UNC13A: variants seen among roughly 807,000 people sequenced by gnomAD.
The protein encoded by UNC13A is unc-13 homolog A, also known as protein unc-13 homolog A.
Under a neutral mutation model 219.7 loss-of-function variants are expected in UNC13A, and 61 were observed. The observed-to-expected ratio is 0.28, with a 90% confidence interval of 0.23 to 0.34. The LOEUF (loss-of-function observed/expected upper bound fraction) is 0.34. UNC13A is among the 10% of genes least tolerant of loss of function. The pLI is 1.00. For synonymous variants in UNC13A, 920 were observed against 884.6 expected (o/e 1.04, Z -0.71); for missense variants, 1,476 against 2,270.3 (o/e 0.65, Z 7.11).
At chr19:17,676,209 A>G (rs1404336319) in intron 1 of UNC13A, 168 bp from the exon 2 acceptor site, 1 of 771,698 alleles carries the variant, frequency 1.3e-6, no homozygotes, top group Non-Finnish European at 2.3e-6. Flanking sequence ...TTAAAAAAGA[A>G]AGATAGAAGC....
chr19:17,683,130 T>C (rs1330519375), intron 1 of UNC13A, among the ~76,000 whole-genome samples: 1 of 152,136 alleles, frequency 6.6e-6, no homozygotes, highest in East Asian at 1.9e-4. Flanking sequence ...CAGAAGGGAC[T>C]TGGCTGTCTC....
rs544307468 is a variant in UNC13A at position 17,663,253 on chromosome 19, G to A, written c.559+279C>T. ...GGTCACAGTGCCCAGCTGGAGACAAGCAGGTTGTTGGTCTAAATGTCCACT... is the reference window on the plus strand; with the variant it reads ...GGTCACAGTGCCCAGCTGGAGACAAACAGGTTGTTGGTCTAAATGTCCACT... On this transcript the variant is annotated intron_variant, in intron 8 of 43. Coordinates refer to ENST00000519716, the MANE Select transcript of UNC13A (RefSeq NM_001080421.3). 9.9e-5 allele frequency among the ~76,000 whole-genome samples: 15 copies of A among 152,134 alleles called. No individual in the cohort carries two copies. The South Asian group carries it at 2.9e-3, about 29-fold the overall frequency.
chr19:17,668,430 A>T (rs1236019832), intron 5 of UNC13A, among the ~76,000 whole-genome samples: 2 of 152,268 alleles, frequency 1.3e-5, no homozygotes, highest in East Asian at 3.9e-4. Flanking sequence ...GGATGACAGG[A>T]GATGGTTCCT....
At chr19:17,655,119 G>T (rs1201982596) in intron 11 of UNC13A, among the ~76,000 whole-genome samples, 155 bp downstream of exon 11, 4 of 152,190 alleles carry the variant, frequency 2.6e-5, no homozygotes, top group African/African-American at 9.7e-5. Flanking sequence ...GCACAGTGTG[G>T]GCACTGCACT....
rs1382100826 is a variant in UNC13A at position 17,652,674 on chromosome 19, G to A, written c.1396C>T (p.Arg466Trp). ...NKVRMQLQEA[R>W]GEGEMSKSLW... ...GATTTAGACATCTCTCCTTCTCCCCGGGCCTGCAGGACAGACAGACAGATA... is the reference window on the plus strand; with the variant it reads ...GATTTAGACATCTCTCCTTCTCCCCAGGCCTGCAGGACAGACAGACAGATA... Residue 466 changes from arginine (R) to tryptophan (W), a missense_variant, in exon 12 of 44, where the codon CGG becomes TGG. Arg to Trp is a moderately radical substitution (Grantham distance 101, BLOSUM62 -3). This residue lies in a region of UNC13A where 351 missense variants were observed against 342.6 expected (regional missense o/e 1.02). Transcript: ENST00000519716. 6 of 1,613,398 alleles carry A rather than the reference G, an allele frequency of 3.7e-6. No individual in the cohort carries two copies. The African/African-American group carries it at 4.0e-5, about 11-fold the overall frequency.
At chr19:17,652,921 T>C (rs1291409847) in intron 11 of UNC13A, among the ~76,000 whole-genome samples, 3 of 152,148 alleles carry the variant, frequency 2.0e-5, no homozygotes, top group African/African-American at 4.8e-5. Flanking sequence ...AGTCTCTTCA[T>C]TGATTATTCC....
At chr19:17,637,191 T>TCTCGAGCTCCTGGC (rs1361845068) in intron 25 of UNC13A, among the ~76,000 whole-genome samples, 7 of 151,964 alleles carry the variant, frequency 4.6e-5, no homozygotes, top group Non-Finnish European at 1.0e-4. Flanking sequence ...CCCAAACTGG[T>TCTCGAGCTCCTGGC]CTCGAGCTCC....
chr19:17,660,822 C>T (rs1450998424), intron 8 of UNC13A, among the ~76,000 whole-genome samples: 5 of 151,918 alleles, frequency 3.3e-5, no homozygotes, highest in African/African-American at 9.7e-5. Flanking sequence ...TGAGCTGCCA[C>T]GCCTGGTCTA....
At chr19:17,661,562 C>T (rs746145993) in intron 8 of UNC13A, among the ~76,000 whole-genome samples, 7 of 151,660 alleles carry the variant, frequency 4.6e-5, no homozygotes, top group Non-Finnish European at 5.9e-5. Flanking sequence ...GGCATAGTGG[C>T]GTGCACCTGT....
intron 1 of UNC13A, among the ~76,000 whole-genome samples, chr19:17,677,291 T>G (rs1274112665): frequency 6.6e-6 from 1 of 151,860 alleles, no homozygotes; most frequent in African/African-American, 2.4e-5. Context: ...CCTCCATTAA[T>G]TCTCTACTCC....
At chr19:17,611,176 A>C (rs1412993050) in intron 42 of UNC13A, among the ~76,000 whole-genome samples, 1 of 151,438 alleles carries the variant, frequency 6.6e-6, no homozygotes, top group Non-Finnish European at 1.5e-5. Flanking sequence ...GAGAAAAACC[A>C]ATTCTATCAT....
rs773612486 is a variant in UNC13A, at chr19:17,674,869, CCCT to C, written c.53-116_53-114del. ...CTCAGGAATTTCTGGGCCACTCACC[CCCT>C]AACCCACAACCCCACCCTCAGGGCA... On this transcript the variant is annotated intron_variant, in intron 2 of 43. Transcript: ENST00000519716. This position sits in a 1 kb window ranked among gnomAD's most constrained non-coding sequence, Gnocchi z 5.0. 40 of 853,202 alleles carry C rather than the reference CCCT, an allele frequency of 4.7e-5. No homozygotes were observed. The highest frequency in any genetic ancestry group is 7.2e-5 in the Non-Finnish European group (38 of 529,120). 52.9% of individuals were successfully genotyped at this position (853,202 alleles called of 1,614,324 possible).
intron 34 of UNC13A, 54 bp from the exon 35 acceptor site, chr19:17,625,006 T>C: frequency 6.3e-7 from 1 of 1,586,322 alleles, no homozygotes. Flanking sequence ...CACCCACAGA[T>C]CACCTTCCCT....
intron 22 of UNC13A, 91 bp downstream of exon 22, chr19:17,640,420 G>T: frequency 6.9e-7 from 1 of 1,451,646 alleles, no homozygotes; most frequent in Non-Finnish European, 9.2e-7. Flanking sequence ...CAGCAATCAG[G>T]TCTAGACTGG....
At chr19:17,648,315 C>CA (rs2145069234) in intron 16 of UNC13A, 116 bp downstream of exon 16, 786 of 823,686 alleles carry the variant, frequency 9.5e-4, no homozygotes, top group Non-Finnish European at 1.2e-3. Context: ...CGCCCCGCCC[C>CA]TTGCCCCGCC....
chr19:17,679,377 G>A (rs2079962689), intron 1 of UNC13A, among the ~76,000 whole-genome samples: 1 of 151,954 alleles, frequency 6.6e-6, no homozygotes, highest in South Asian at 2.1e-4. Context: ...TCCAGCCTGG[G>A]CGACAGAGCA....
intron 1 of UNC13A, among the ~76,000 whole-genome samples, chr19:17,684,491 T>A (rs556200321): frequency 6.6e-6 from 1 of 152,274 alleles, no homozygotes; most frequent in East Asian, 1.9e-4. Context: ...ATAAGTGACT[T>A]CATGAAGGAA....
chr19:17,610,216 AC>A, intron 42 of UNC13A, 117 bp from the exon 43 acceptor site: 1 of 1,413,454 alleles, frequency 7.1e-7, no homozygotes, highest in Non-Finnish European at 9.7e-7. Flanking sequence ...TTGTAATCCC[AC>A]CACTTCGGGA....
At chr19:17,606,580 C>A (rs965576849) in intron 43 of UNC13A, among the ~76,000 whole-genome samples, 1 of 149,498 alleles carries the variant, frequency 6.7e-6, no homozygotes, top group South Asian at 2.1e-4. Context: ...CACGCCTGTT[C>A]TTCCCATTTT....
Sources: gnomAD v4.1 joint callset for allele counts (sites outside exome capture counted in the v4.1 genomes callset) on GRCh38, gnomAD v4.1.1 for gene constraint, gnomAD v4.1.1 regional missense constraint, Gnocchi (gnomAD v3.1) non-coding constraint, MANE v1.5 for transcripts, NCBI Gene and HGNC (gene_info 2026-07-23, HGNC 2026-07-21) for gene names.